The following EPB41L3 variants were observed in gnomAD, a reference collection of about 807,000 sequenced individuals.
EPB41L3 encodes the protein band 4.1-like protein 3.
EPB41L3 carries 57 observed loss-of-function variants against 127.1 expected under a neutral mutation model. The observed-to-expected ratio is 0.45, with a 90% CI of 0.36 to 0.56. The LOEUF (loss-of-function observed/expected upper bound fraction) is 0.56. Among genes scored for constraint, EPB41L3 ranks in the 20% least tolerant of loss-of-function variants. The probability of loss-of-function intolerance (pLI) is 0.00; values close to 1 mark genes in which losing one functional copy is unlikely to be tolerated. For missense variants in EPB41L3, 1,273 were observed against 1,372.2 expected (o/e 0.93, Z 1.14); for synonymous variants, 572 against 549.5 (o/e 1.04, Z -0.57).
At chr18:5,574,534 A>T (rs1363697695) in intron 3 of EPB41L3, among the ~76,000 whole-genome samples, 1 of 151,838 alleles carries the variant, frequency 6.6e-6, no homozygotes, top group Non-Finnish European at 1.5e-5. Flanking sequence ...CAGAGTCCGT[A>T]TATCCAGAAC....
At chr18:5,551,278 C>T (rs556441806) in intron 3 of EPB41L3, among the ~76,000 whole-genome samples, 4 of 152,238 alleles carry the variant, frequency 2.6e-5, no homozygotes, top group Non-Finnish European at 4.4e-5. Flanking sequence ...ATCTGAAAAT[C>T]GTTGTATAAC....
chr18:5,461,029 T>A lies in EPB41L3; in HGVS notation c.382-15785A>T, dbSNP rs556350255. On this transcript the variant is annotated intron_variant, in intron 3 of 22. Coordinates refer to ENST00000341928, the MANE Select transcript of EPB41L3 (RefSeq NM_012307.5). ...TCCAGTTCTGGTGGTGGTGTTTTAT[T>A]TTTTTCCCCCCTATCATGAGGAATT... is the stretch of plus-strand genomic sequence containing the variant. Among the ~76,000 whole-genome samples the A allele has an allele frequency of 1.5e-4, 23 of 152,238 alleles. No homozygotes were observed. In the South Asian group the frequency reaches 4.8e-3, roughly 32 times the overall value.
chr18:5,627,218 CAAT>C (rs1196971758), intron 1 of EPB41L3, among the ~76,000 whole-genome samples: 5 of 152,186 alleles, frequency 3.3e-5, no homozygotes, highest in East Asian at 3.9e-4. Context: ...TGTATCTACA[CAAT>C]AGCCTCAAAA....
chr18:5,532,900 A>C (rs1201411946), intron 1 of EPB41L3, among the ~76,000 whole-genome samples: 1 of 152,178 alleles, frequency 6.6e-6, no homozygotes, highest in Non-Finnish European at 1.5e-5. Context: ...TCAAGCTGGA[A>C]TCCAACTCTT....
intron 3 of EPB41L3, among the ~76,000 whole-genome samples, chr18:5,566,728 T>TTCCATTCCATTCC (rs2094204567): frequency 3.4e-5 from 2 of 58,436 alleles, no homozygotes; most frequent in African/African-American, 1.2e-4. Flanking sequence ...TATTCCATTC[T>TTCCATTCCATTCC]ATTCTATTCT....
intron 3 of EPB41L3, among the ~76,000 whole-genome samples, chr18:5,474,083 T>C (rs2147745061): frequency 6.6e-6 from 1 of 151,786 alleles, no homozygotes; most frequent in East Asian, 1.9e-4. Context: ...TACAAAAAAT[T>C]AGCCGGGCGT....
chr18:5,406,641 G>C lies in EPB41L3; in HGVS notation c.2349+136C>G. 5 of 722,686 alleles carry C rather than the reference G, an allele frequency of 6.9e-6. No homozygotes were observed. The South Asian group carries it at 1.2e-4, about 18-fold the overall frequency. 44.8% of individuals were successfully genotyped at this position (722,686 alleles called of 1,614,324 possible). On this transcript the variant is annotated intron_variant, in intron 16 of 22. Coordinates refer to ENST00000341928, the MANE Select transcript of EPB41L3 (RefSeq NM_012307.5). ...TTGCAGTTTTCTGTTGGAGCACTGAGCATCTCAGCTCAGGTTAAACATAGG... is the reference window on the plus strand; with the variant it reads ...TTGCAGTTTTCTGTTGGAGCACTGACCATCTCAGCTCAGGTTAAACATAGG...
chr18:5,568,204 A>G (rs1354182070), intron 3 of EPB41L3, among the ~76,000 whole-genome samples: 1 of 152,146 alleles, frequency 6.6e-6, no homozygotes, highest in Non-Finnish European at 1.5e-5. Flanking sequence ...TAACTGATAT[A>G]TAATATCTGA....
At position 5,416,164 on chromosome 18, in the gene EPB41L3, C is replaced by G; in HGVS notation, c.1721G>C (p.Ser574Thr). 6.2e-7 allele frequency: 1 copy of G among 1,614,036 alleles called. No individual in the cohort carries two copies. The highest frequency in any genetic ancestry group is 8.5e-7 in the Non-Finnish European group (1 of 1,179,950). The change falls in exon 13 of 23, where the codon AGC becomes ACC. Residue 574 changes from serine (S) to threonine (T), a missense_variant. Transcript: ENST00000341928. ...PYLGDQDVAF[S>T]YRQQTGKGTT... is the part of the protein sequence containing the mutation. ...CCCCTTGCCAGTTTGCTGTCTGTAG[C>G]TAAAAGCCACATCTTGATCCCCTAG...
chr18:5,483,069 C>T (rs1230626270), intron 2 of EPB41L3, among the ~76,000 whole-genome samples: 1 of 152,014 alleles, frequency 6.6e-6, no homozygotes, highest in Non-Finnish European at 1.5e-5. Flanking sequence ...CTATCAAAAA[C>T]AATAATACCT....
At position 5,536,756 on chromosome 18, in the gene EPB41L3, G is replaced by A. The variant is rs1447426974; in HGVS notation, c.-12+7157C>T. Among the ~76,000 whole-genome samples, 8 of 152,118 alleles carry A rather than the reference G, an allele frequency of 5.3e-5. No individual in the cohort carries two copies. The East Asian group carries it at 1.4e-3, about 26-fold the overall frequency. On this transcript the variant is annotated intron_variant, in intron 1 of 22. Coordinates refer to ENST00000341928, the MANE Select transcript of EPB41L3 (RefSeq NM_012307.5). ...GAACCTGGGAGGCTCACTTGAACCC[G>A]GGAGGCAGAGGTTGCTGTGAGCTGA...
Position 5,441,496 on chromosome 18 carries a change from C to T in EPB41L3, c.529+2342G>A, listed in dbSNP as rs923099033. Among the ~76,000 whole-genome samples, 10 of 139,856 alleles carry T rather than the reference C, an allele frequency of 7.2e-5. No individual in the cohort carries two copies. In the South Asian group the frequency reaches 1.1e-3, roughly 15 times the overall value. The allele number at this position is 139,856 out of a possible 152,430, so 91.8% of individuals were successfully genotyped here. ...TTTTTTTTTTTTTGACACGGAGTTTCGCTCTGTCGCCCAGGCTGGAGCGCA... is the reference window on the plus strand; with the variant it reads ...TTTTTTTTTTTTTGACACGGAGTTTTGCTCTGTCGCCCAGGCTGGAGCGCA... On this transcript the variant is annotated intron_variant, in intron 5 of 22. Coordinates refer to ENST00000341928, the MANE Select transcript of EPB41L3 (RefSeq NM_012307.5).
intron 3 of EPB41L3, among the ~76,000 whole-genome samples, chr18:5,591,152 T>C (rs114129254): frequency 0.013 from 1,970 of 152,330 alleles, 38 homozygotes; most frequent in African/African-American, 0.045. Context: ...CTATATATTA[T>C]CTTCTCTCTA....
chr18:5,542,477 C>G (rs1276877873), intron 1 of EPB41L3, among the ~76,000 whole-genome samples: 3 of 150,392 alleles, frequency 2.0e-5, no homozygotes, highest in Admixed American at 6.6e-5. Flanking sequence ...CCACTCCCCA[C>G]CCCCCCTCAA....
rs1179376967 is a variant in EPB41L3, at chr18:5,415,842, G to A, written c.2043C>T (p.Asp681=). The A allele has an allele frequency of 5.0e-6, 8 of 1,612,820 alleles. No individual in the cohort carries two copies. In the Admixed American group the frequency reaches 6.7e-5, roughly 13 times the overall value. Reference sequence around the variant, plus strand: ...CCTCTTCCTCTGAACTGTCACTCGGGTCATTGTCTAGGGAGGCGCTCAAGG... The same window carrying A: ...CCTCTTCCTCTGAACTGTCACTCGGATCATTGTCTAGGGAGGCGCTCAAGG... ...AASLSASLDN[D]PSDSSEEETD... Residue 681 remains aspartate, a synonymous_variant, in exon 13 of 23, where the codon GAC becomes GAT. Transcript: ENST00000341928.
intron 6 of EPB41L3, among the ~76,000 whole-genome samples, chr18:5,436,486 G>A (rs1483136691): frequency 1.5e-5 from 2 of 137,636 alleles, no homozygotes; most frequent in Non-Finnish European, 3.0e-5. Flanking sequence ...TCGGCTCACT[G>A]CAAGCTCCGC....
At chr18:5,597,691 A>G (rs2094550328) in intron 3 of EPB41L3, among the ~76,000 whole-genome samples, 1 of 152,168 alleles carries the variant, frequency 6.6e-6, no homozygotes, top group African/African-American at 2.4e-5. Context: ...AAATCCTGCA[A>G]ATCAGCCTCA....
intron 8 of EPB41L3, among the ~76,000 whole-genome samples, chr18:5,433,228 G>A (rs963631578): frequency 6.6e-6 from 1 of 152,146 alleles, no homozygotes; most frequent in Admixed American, 6.5e-5. Flanking sequence ...CCTATCACGG[G>A]CTTTCAGAAG....
chr18:5,480,414 T>C lies in EPB41L3; in HGVS notation c.184-1976A>G, dbSNP rs538540252. Among the ~76,000 whole-genome samples, 7 of 152,316 alleles carry C rather than the reference T, an allele frequency of 4.6e-5. No individual in the cohort carries two copies. In the South Asian group the frequency reaches 1.2e-3, roughly 27 times the overall value. On this transcript the variant is annotated intron_variant, in intron 2 of 22. Coordinates refer to ENST00000341928, the MANE Select transcript of EPB41L3 (RefSeq NM_012307.5). Reference sequence around the variant, plus strand: ...ATCTCTTTTAATCCTCACAGCTCTATGGTATGGGTATTATTACCCTCATTT... The same window carrying C: ...ATCTCTTTTAATCCTCACAGCTCTACGGTATGGGTATTATTACCCTCATTT...
Sources: gnomAD v4.1 joint callset for allele counts (sites outside exome capture counted in the v4.1 genomes callset) on GRCh38, gnomAD v4.1.1 for gene constraint, MANE v1.5 for transcripts, NCBI Gene and HGNC (gene_info 2026-07-23, HGNC 2026-07-21) for gene names.